F13A1: variants seen among roughly 807,000 people sequenced by gnomAD.
F13A1 encodes the protein FSF, A subunit.
In F13A1, 47 loss-of-function variants were observed where a neutral mutation model predicts 80.1. The observed-to-expected ratio is 0.59, with a 90% CI of 0.46 to 0.75. The LOEUF (loss-of-function observed/expected upper bound fraction) is 0.75, where lower values mean the gene tolerates loss of function less well. Among genes scored for constraint, F13A1 ranks in the 30% least tolerant of loss-of-function variants. The probability of loss-of-function intolerance (pLI) is 0.00; values close to 1 mark genes in which losing one functional copy is unlikely to be tolerated. For missense variants in F13A1, 817 were observed against 930.4 expected (o/e 0.88, Z 1.59); for synonymous variants, 349 against 344.9 (o/e 1.01, Z -0.13).
rs190426122 is a variant in F13A1, at chr6:6,209,723, G to A, written c.1112+12310C>T. ...CACGGACGAACCTTGAACACGTTAC[G>A]CTAAGTGAAGGAAGCCAGACACAAA... On this transcript the variant is annotated intron_variant, in intron 8 of 14. Coordinates refer to ENST00000264870, the MANE Select transcript of F13A1 (RefSeq NM_000129.4). Among the ~76,000 whole-genome samples, 53 of 152,282 alleles carry A rather than the reference G, an allele frequency of 3.5e-4. 1 individual carries two copies. The highest frequency in any genetic ancestry group is 8.5e-4 in the Admixed American group (13 of 15,298).
At position 6,243,938 on chromosome 6, in the gene F13A1, T is replaced by C. The variant is rs1296951376; in HGVS notation, c.798+4374A>G. ...CTGCATCTCCTTGGGGGAAATTCTCTGCCCATAGTTGCTGCCAGATCCTAT... is the reference window on the plus strand; with the variant it reads ...CTGCATCTCCTTGGGGGAAATTCTCCGCCCATAGTTGCTGCCAGATCCTAT... On this transcript the variant is annotated intron_variant, in intron 6 of 14. Coordinates refer to ENST00000264870, the MANE Select transcript of F13A1 (RefSeq NM_000129.4). The surrounding 1 kb of genome is among the most constrained non-coding windows in gnomAD (Gnocchi z 4.2). 6.6e-6 allele frequency among the ~76,000 whole-genome samples: 1 copy of C among 152,242 alleles called. No individual in the cohort carries two copies. The highest frequency in any genetic ancestry group is 2.4e-5 in the African/African-American group (1 of 41,468).
intron 6 of F13A1, among the ~76,000 whole-genome samples, chr6:6,232,939 G>A (rs1463104087): frequency 6.6e-6 from 1 of 151,966 alleles, no homozygotes; most frequent in African/African-American, 2.4e-5. Context: ...AAAGCCTCTG[G>A]GATACAGCAA....
rs143649579 is a variant in F13A1, at chr6:6,313,196, C to T, written c.130+5339G>A. ...AAAAGTCTTATCATCATCCAGACTC[C>T]GTTTGCCACAAACAGGAAATGAATT... On this transcript the variant is annotated intron_variant, in intron 2 of 14. Transcript: ENST00000264870. Among the ~76,000 whole-genome samples, 39 of 151,792 alleles carry T rather than the reference C, an allele frequency of 2.6e-4. 1 individual carries two copies. Among genetic ancestry groups the T allele is most frequent in the African/African-American group, 8.5e-4 (35 of 41,268 alleles).
chr6:6,174,450 G>A, intron 12 of F13A1, 130 bp downstream of exon 12: 1 of 1,019,674 alleles, frequency 9.8e-7, no homozygotes, highest in South Asian at 1.3e-5. Context: ...GGTTCTCCCT[G>A]TGAGGCTCAC....
intron 6 of F13A1, among the ~76,000 whole-genome samples, chr6:6,239,670 T>G (rs1757460227): frequency 6.6e-6 from 1 of 151,996 alleles, no homozygotes; most frequent in South Asian, 2.1e-4. Context: ...CCAAAACATA[T>G]TTTACTAATT....
intron 3 of F13A1, among the ~76,000 whole-genome samples, chr6:6,276,558 T>C (rs1044719388): frequency 6.6e-6 from 1 of 152,232 alleles, no homozygotes; most frequent in African/African-American, 2.4e-5. Context: ...CTTTAAGGGT[T>C]ATGTCCATTT....
chr6:6,270,965 G>A (rs1362808778), intron 3 of F13A1, among the ~76,000 whole-genome samples: 2 of 152,166 alleles, frequency 1.3e-5, no homozygotes, highest in Non-Finnish European at 2.9e-5. Flanking sequence ...GATTTGCATT[G>A]GGAAGACTTC....
Position 6,268,673 on chromosome 6 carries a change from C to A in F13A1, c.320-1864G>T, listed in dbSNP as rs1003678669. 3.5e-4 allele frequency among the ~76,000 whole-genome samples: 52 copies of A among 150,178 alleles called. 1 individual carries two copies. The highest frequency in any genetic ancestry group is 1.2e-3 in the African/African-American group (48 of 40,932). On this transcript the variant is annotated intron_variant, in intron 3 of 14. Transcript: ENST00000264870. ...ATGCTTAGCACACAGTAGGGGCTGG[C>A]TGAGGGGGCACTCATTTTTTTTTTT...
intron 6 of F13A1, among the ~76,000 whole-genome samples, chr6:6,226,587 C>T (rs1440581160): frequency 6.6e-6 from 1 of 152,194 alleles, no homozygotes; most frequent in Non-Finnish European, 1.5e-5. Context: ...GCCTAGACCC[C>T]TCTTTTTGAC....
At position 6,175,008 on chromosome 6, in the gene F13A1, TC is replaced by T. The variant is rs930010547; in HGVS notation, c.1460-142del. On this transcript the variant is annotated intron_variant, in intron 11 of 14. Transcript: ENST00000264870. ...AGACCTCCCCAGGAGGAGGGTGCCG[TC>T]ATTATTCCTATGTTATAAATTCTGC... 8.2e-5 allele frequency: 82 copies of T among 1,004,886 alleles called. No individual in the cohort carries two copies. The African/African-American group carries it at 1.1e-3, about 13-fold the overall frequency. The allele number at this position is 1,004,886 out of a possible 1,614,324, so 62.2% of individuals were successfully genotyped here.
At chr6:6,228,476 G>A (rs73361804) in intron 6 of F13A1, among the ~76,000 whole-genome samples, 3,709 of 152,190 alleles carry the variant, frequency 0.024, 134 homozygotes, top group African/African-American at 0.085. Flanking sequence ...GGCCAGGCAT[G>A]TAATCCCAGC....
intron 13 of F13A1, among the ~76,000 whole-genome samples, chr6:6,160,315 G>C (rs553756776): frequency 6.7e-6 from 1 of 149,522 alleles, no homozygotes; most frequent in Non-Finnish European, 1.5e-5. Context: ...TCTCACTGTT[G>C]AATTTTTCTC....
chr6:6,222,839 C>A (rs1757215501), intron 7 of F13A1, among the ~76,000 whole-genome samples: 1 of 152,146 alleles, frequency 6.6e-6, no homozygotes, highest in African/African-American at 2.4e-5. Flanking sequence ...GCATTTTTAA[C>A]CAAAGACTAC....
At chr6:6,277,833 T>C (rs967663086) in intron 3 of F13A1, among the ~76,000 whole-genome samples, 2 of 152,240 alleles carry the variant, frequency 1.3e-5, no homozygotes, top group Admixed American at 6.5e-5. Flanking sequence ...TTATTCAGTA[T>C]GCATACATTA....
At chr6:6,290,139 A>C (rs1758203730) in intron 3 of F13A1, among the ~76,000 whole-genome samples, 1 of 152,272 alleles carries the variant, frequency 6.6e-6, no homozygotes, top group Admixed American at 6.5e-5. Flanking sequence ...AAAGAAAATA[A>C]ATAGGCTTTA....
At chr6:6,220,133 T>C (rs958089816) in intron 8 of F13A1, among the ~76,000 whole-genome samples, 1 of 152,188 alleles carries the variant, frequency 6.6e-6, no homozygotes, top group African/African-American at 2.4e-5. Flanking sequence ...TCCTGAGTTG[T>C]GCTGGTCTCA....
intron 4 of F13A1, among the ~76,000 whole-genome samples, chr6:6,259,113 T>C (rs994615513): frequency 6.6e-6 from 1 of 152,246 alleles, no homozygotes; most frequent in African/African-American, 2.4e-5. Flanking sequence ...TACATAATAC[T>C]GTCGTACTGT....
At chr6:6,185,669 C>T (rs958269157) in intron 10 of F13A1, among the ~76,000 whole-genome samples, 106 of 151,814 alleles carry the variant, frequency 7.0e-4, no homozygotes, top group Non-Finnish European at 1.2e-3. Flanking sequence ...GTGAATAATG[C>T]CGCAATAAAC....
At chr6:6,178,073 T>C (rs750601158) in intron 11 of F13A1, among the ~76,000 whole-genome samples, 1 of 141,000 alleles carries the variant, frequency 7.1e-6, no homozygotes, top group Non-Finnish European at 1.5e-5. Flanking sequence ...TTTTAAGCAG[T>C]GCTGGGAGAG....
Sources: allele counts gnomAD v4.1 joint callset (sites outside exome capture counted in the v4.1 genomes callset), GRCh38; gene constraint gnomAD v4.1.1; non-coding constraint Gnocchi (gnomAD v3.1); transcripts MANE v1.5; gene names NCBI Gene and HGNC (gene_info 2026-07-23, HGNC 2026-07-21).